CNTNAP2: variants seen among roughly 807,000 people sequenced by gnomAD.
CNTNAP2 encodes contactin associated protein 2.
Under a neutral mutation model 155.2 loss-of-function variants are expected in CNTNAP2, and 98 were observed. The observed-to-expected ratio is 0.63, with a 90% CI of 0.54 to 0.75. CNTNAP2 has a LOEUF of 0.75. CNTNAP2 is among the 30% of genes least tolerant of loss of function. The probability of loss-of-function intolerance (pLI) is 0.00; values close to 1 mark genes in which losing one functional copy is unlikely to be tolerated. For synonymous variants in CNTNAP2, 651 were observed against 631.2 expected (o/e 1.03, Z -0.47); for missense variants, 1,727 against 1,688.1 (o/e 1.02, Z -0.40).
intron 8 of CNTNAP2, among the ~76,000 whole-genome samples, chr7:147,277,425 A>G (rs548028813): frequency 1.3e-5 from 2 of 152,090 alleles, no homozygotes; most frequent in African/African-American, 4.8e-5. Flanking sequence ...AAAGCTAAAG[A>G]CTAGATAAAC....
chr7:147,591,678 A>T (rs1563012164), intron 12 of CNTNAP2, among the ~76,000 whole-genome samples: 1 of 152,304 alleles, frequency 6.6e-6, no homozygotes, highest in Non-Finnish European at 1.5e-5. Flanking sequence ...CCAGCAGAAT[A>T]GTCCTACAAA....
At chr7:147,082,636 T>C (rs1215609094) in intron 4 of CNTNAP2, 3 of 152,190 alleles carry the variant, frequency 2.0e-5, no homozygotes, top group Non-Finnish European at 4.4e-5. Context: ...TTCTGTGCTT[T>C]GAAAGATCAC....
intron 13 of CNTNAP2, among the ~76,000 whole-genome samples, chr7:147,854,014 G>A (rs1718953684): frequency 6.6e-6 from 1 of 152,152 alleles, no homozygotes; most frequent in South Asian, 2.1e-4. Flanking sequence ...AACAATTCAA[G>A]CTTGTTGCTA....
intron 11 of CNTNAP2, among the ~76,000 whole-genome samples, chr7:147,552,571 A>AACACACACAC (rs34755315): frequency 1.2e-3 from 176 of 142,968 alleles, no homozygotes; most frequent in African/African-American, 4.4e-3. Context: ...TACTTTCCTC[A>AACACACACAC]ACACACACAC....
intron 1 of CNTNAP2, among the ~76,000 whole-genome samples, chr7:146,647,735 A>T (rs1182048790): frequency 1.3e-5 from 2 of 152,144 alleles, no homozygotes; most frequent in East Asian, 3.9e-4. Flanking sequence ...GACCTTCTTG[A>T]TCCCAACAGT....
At chr7:148,359,038 A>ACT (rs1798571437) in intron 21 of CNTNAP2, among the ~76,000 whole-genome samples, 1 of 152,248 alleles carries the variant, frequency 6.6e-6, no homozygotes, top group South Asian at 2.1e-4. Flanking sequence ...CTATGAGATT[A>ACT]TAATATGGTT....
chr7:148,144,976 T>G (rs1214812789), intron 16 of CNTNAP2, among the ~76,000 whole-genome samples: 1 of 152,158 alleles, frequency 6.6e-6, no homozygotes, highest in Non-Finnish European at 1.5e-5. Context: ...ACTGGCTGTC[T>G]GACTGGGGGA....
At chr7:146,560,727 A>T (rs1195048450) in intron 1 of CNTNAP2, among the ~76,000 whole-genome samples, 1 of 151,968 alleles carries the variant, frequency 6.6e-6, no homozygotes, top group African/African-American at 2.4e-5. Flanking sequence ...GAAGTTCCTG[A>T]CCTTCCCTTT....
chr7:147,802,636 C>T (rs1056313383), intron 13 of CNTNAP2, among the ~76,000 whole-genome samples: 2 of 152,142 alleles, frequency 1.3e-5, no homozygotes, highest in East Asian at 1.9e-4. Context: ...ACCAGTCAGG[C>T]GTGGCGGCGC....
At chr7:147,345,597 G>T (rs912724404) in intron 9 of CNTNAP2, among the ~76,000 whole-genome samples, 6 of 152,134 alleles carry the variant, frequency 3.9e-5, no homozygotes, top group Non-Finnish European at 7.4e-5. Context: ...TTATTTTGCT[G>T]GGTTAAAACA....
intron 1 of CNTNAP2, among the ~76,000 whole-genome samples, chr7:146,281,768 C>T (rs191316104): frequency 5.9e-5 from 9 of 151,382 alleles, no homozygotes; most frequent in Admixed American, 1.3e-4. Context: ...GCACTCCAGC[C>T]TGGCAACCAA....
intron 20 of CNTNAP2, among the ~76,000 whole-genome samples, chr7:148,254,018 AT>A (rs1396516369): frequency 6.6e-6 from 1 of 152,146 alleles, no homozygotes; most frequent in Non-Finnish European, 1.5e-5. Context: ...TGAAAAAAAA[AT>A]CCACTTGTAA....
chr7:146,996,565 C>A (rs1563037118), intron 3 of CNTNAP2, among the ~76,000 whole-genome samples: 1 of 152,002 alleles, frequency 6.6e-6, no homozygotes, highest in Non-Finnish European at 1.5e-5. Flanking sequence ...TAATTTTTAT[C>A]CTGCACCTTT....
chr7:147,785,514 G>T (rs955682095), intron 13 of CNTNAP2, among the ~76,000 whole-genome samples: 1 of 152,146 alleles, frequency 6.6e-6, no homozygotes, highest in African/African-American at 2.4e-5. Flanking sequence ...GACAAAAATG[G>T]TGAAAGCAAG....
At chr7:146,958,831 A>G (rs1797495225) in intron 3 of CNTNAP2, among the ~76,000 whole-genome samples, 1 of 152,094 alleles carries the variant, frequency 6.6e-6, no homozygotes. Flanking sequence ...TGAATGCATG[A>G]CTGAAACAAG....
intron 8 of CNTNAP2, among the ~76,000 whole-genome samples, chr7:147,191,676 C>T (rs973485497): frequency 5.3e-5 from 8 of 152,100 alleles, no homozygotes; most frequent in African/African-American, 1.9e-4. Flanking sequence ...AAGAACAATA[C>T]GGTTAAGTCT....
At chr7:147,380,117 C>A (rs1359041038) in intron 9 of CNTNAP2, among the ~76,000 whole-genome samples, 1 of 151,866 alleles carries the variant, frequency 6.6e-6, no homozygotes, top group South Asian at 2.1e-4. Context: ...TGTGACATTA[C>A]AGAATGTTAA....
At chr7:146,151,115 C>A (rs1402752260) in intron 1 of CNTNAP2, among the ~76,000 whole-genome samples, 2 of 152,066 alleles carry the variant, frequency 1.3e-5, no homozygotes, top group African/African-American at 4.8e-5. Flanking sequence ...CATCCACTAT[C>A]ATGAGAACTG....
At chr7:147,060,634 C>A (rs535133964) in intron 4 of CNTNAP2, among the ~76,000 whole-genome samples, 12 of 151,946 alleles carry the variant, frequency 7.9e-5, no homozygotes, top group Non-Finnish European at 1.8e-4. Context: ...GAGGCCGAGG[C>A]GGGCGGATCA....
Sources: allele counts gnomAD v4.1 joint callset (sites outside exome capture counted in the v4.1 genomes callset), GRCh38; gene constraint gnomAD v4.1.1; transcripts MANE v1.5; gene names NCBI Gene and HGNC (gene_info 2026-07-23, HGNC 2026-07-21).